Variants in PDE7B observed in about 807,000 individuals in gnomAD.
PDE7B encodes the protein 3',5'-cyclic-AMP phosphodiesterase 7B.
Under a neutral mutation model 56.2 loss-of-function variants are expected in PDE7B, and 29 were observed. The ratio of observed to expected loss-of-function variants is 0.52; its 90% CI spans 0.38 to 0.70. The LOEUF (loss-of-function observed/expected upper bound fraction) is 0.70. Ranked by LOEUF, PDE7B falls within the 30% of genes least tolerant of loss-of-function variation. The pLI is 0.00. For missense variants in PDE7B, 490 were observed against 565.0 expected, an observed-to-expected ratio of 0.87 and a Z score of 1.35; for synonymous variants, 197 against 196.9, an observed-to-expected ratio of 1.00 and a Z score of 0.00.
chr6:135,963,172 C>T (rs1347585963), intron 2 of PDE7B, among the ~76,000 whole-genome samples: 1 of 152,158 alleles, frequency 6.6e-6, no homozygotes, highest in African/African-American at 2.4e-5. Flanking sequence ...GGAGACACAG[C>T]CTGCCTCTGC....
At chr6:135,901,257 T>A (rs906743696) in intron 1 of PDE7B, among the ~76,000 whole-genome samples, 1 of 152,128 alleles carries the variant, frequency 6.6e-6, no homozygotes, top group Non-Finnish European at 1.5e-5. Context: ...ACTAGCTAAA[T>A]AATAAGTAAC....
rs771387642 is a variant in PDE7B, at chr6:135,924,740, T to C, written c.22-22724T>C. Among the ~76,000 whole-genome samples the C allele has an allele frequency of 9.3e-5, 14 of 151,048 alleles. 1 individual carries two copies. Among genetic ancestry groups the C allele is most frequent in the Non-Finnish European group, 1.9e-4 (13 of 67,780 alleles). ...CCAATAAATGAAAGAGATCAAAGTATTATAGTACTATATAGTTTTTAATGT... is the reference window on the plus strand; with the variant it reads ...CCAATAAATGAAAGAGATCAAAGTACTATAGTACTATATAGTTTTTAATGT... On this transcript the variant is annotated intron_variant, in intron 1 of 12. Transcript: ENST00000308191.
chr6:136,130,421 A>G (rs1385821405), intron 3 of PDE7B, among the ~76,000 whole-genome samples: 1 of 152,124 alleles, frequency 6.6e-6, no homozygotes, highest in Non-Finnish European at 1.5e-5. Context: ...CCTCTATGCC[A>G]TGTGGAAAGA....
chr6:135,934,807 T>TTATTATATATATATTTTAAATATATA (rs1774369499), intron 1 of PDE7B, among the ~76,000 whole-genome samples: 1 of 113,802 alleles, frequency 8.8e-6, no homozygotes, highest in Non-Finnish European at 1.7e-5. Context: ...ATATATATAT[T>TTATTATATATATATTTTAAATATATA]TATTATATAT....
At chr6:135,976,776 T>C (rs1444054921) in intron 2 of PDE7B, among the ~76,000 whole-genome samples, 1 of 152,176 alleles carries the variant, frequency 6.6e-6, no homozygotes, top group Non-Finnish European at 1.5e-5. Flanking sequence ...GCAAATAGTA[T>C]GATAATAACT....
chr6:136,166,702 G>A (rs879157557), intron 8 of PDE7B, among the ~76,000 whole-genome samples: 1 of 152,036 alleles, frequency 6.6e-6, no homozygotes, highest in Non-Finnish European at 1.5e-5. Context: ...CCTCCCACCA[G>A]GCCTCACCTC....
chr6:135,868,062 G>C (rs963223948), intron 1 of PDE7B, among the ~76,000 whole-genome samples: 1 of 152,008 alleles, frequency 6.6e-6, no homozygotes, highest in African/African-American at 2.4e-5. Flanking sequence ...ATGCATTTAG[G>C]TTATTCATAC....
chr6:135,938,496 C>G (rs1774457226), intron 1 of PDE7B, among the ~76,000 whole-genome samples: 1 of 152,220 alleles, frequency 6.6e-6, no homozygotes, highest in Admixed American at 6.5e-5. Flanking sequence ...GATGCCTAGT[C>G]AGTTCCTATA....
Position 136,155,658 on chromosome 6 carries a change from T to C in PDE7B, c.611T>C (p.Met204Thr). The change falls in exon 8 of 13, where the codon ATG becomes ACG. Residue 204 changes from methionine to threonine, a missense_variant. Coordinates refer to ENST00000308191, the MANE Select transcript of PDE7B (RefSeq NM_018945.4). ...AGCTTCCTCACGCCTCTGGACATCA[T>C]GCTTGGACTGCTGGCTGCAGCAGCA... The part of the protein sequence containing the change: ...LASFLTPLDI[M>T]LGLLAAAAHD... The C allele has an allele frequency of 6.2e-7, 1 of 1,613,910 alleles. No individual in the cohort carries two copies. The highest frequency in any genetic ancestry group is 8.5e-7 in the Non-Finnish European group (1 of 1,179,848).
intron 2 of PDE7B, among the ~76,000 whole-genome samples, chr6:136,104,431 C>A (rs1777614894): frequency 6.6e-6 from 1 of 152,120 alleles, no homozygotes; most frequent in African/African-American, 2.4e-5. Context: ...GACCCTGGGC[C>A]AGGAAAAGCA....
rs1779248988 is a variant in PDE7B at position 136,192,575 on chromosome 6, A to T, written c.*735A>T. On this transcript the variant is annotated 3_prime_UTR_variant, in exon 13 of 13. Coordinates refer to ENST00000308191, the MANE Select transcript of PDE7B (RefSeq NM_018945.4). ...GTACAGTTCATTCCTTTGCACCATT[A>T]GCCAATCTGTCTTTTATGGATTCTG... 1 of 152,632 alleles carries T rather than the reference A, an allele frequency of 6.6e-6. No homozygotes were observed. Among genetic ancestry groups the T allele is most frequent in the South Asian group, 2.1e-4 (1 of 4,832 alleles). 9.5% of individuals were successfully genotyped at this position (152,632 alleles called of 1,614,324 possible).
intron 3 of PDE7B, among the ~76,000 whole-genome samples, chr6:136,111,438 T>C (rs897431669): frequency 2.0e-5 from 3 of 152,212 alleles, no homozygotes; most frequent in African/African-American, 7.2e-5. Flanking sequence ...ATTTACCTCT[T>C]GGTATAATGC....
chr6:136,099,639 A>AT (rs1562492774), intron 2 of PDE7B, among the ~76,000 whole-genome samples: 1 of 151,890 alleles, frequency 6.6e-6, no homozygotes, highest in Admixed American at 6.6e-5. Flanking sequence ...TTTCTTGTAA[A>AT]TTTGTTTAAG....
intron 2 of PDE7B, chr6:136,072,808 T>C (rs1484020204): frequency 6.6e-6 from 1 of 152,162 alleles, no homozygotes; most frequent in Non-Finnish European, 1.5e-5. Flanking sequence ...GCGGGACACA[T>C]GTGCGATGGA....
At chr6:135,858,982 A>G (rs911601062) in intron 1 of PDE7B, among the ~76,000 whole-genome samples, 2 of 152,110 alleles carry the variant, frequency 1.3e-5, no homozygotes, top group African/African-American at 4.8e-5. Context: ...TAAGATGTAC[A>G]GCTTGTGCAG....
intron 2 of PDE7B, among the ~76,000 whole-genome samples, chr6:136,076,795 C>T (rs1358966984): frequency 6.6e-6 from 1 of 152,012 alleles, no homozygotes; most frequent in African/African-American, 2.4e-5. Context: ...ATGGGAACAC[C>T]TGGGGAAGGA....
rs747079762 is a variant in PDE7B at position 136,154,157 on chromosome 6, C to T, written c.561C>T (p.Cys187=). The T allele has an allele frequency of 6.2e-7, 1 of 1,612,492 alleles. No individual in the cohort carries two copies. Among genetic ancestry groups the T allele is most frequent in the Non-Finnish European group, 8.5e-7 (1 of 1,178,638 alleles). ...HAADVTQAMH[C]YLKEPKLASF... is the part of the protein sequence containing the mutation. ...CCGACGTCACCCAGGCCATGCACTG[C>T]TACCTGAAAGAGCCAAAGGTAAGAC... Residue 187 remains cysteine, a synonymous_variant, in exon 7 of 13, where the codon TGC becomes TGT. Coordinates refer to ENST00000308191, the MANE Select transcript of PDE7B (RefSeq NM_018945.4).
intron 1 of PDE7B, among the ~76,000 whole-genome samples, chr6:135,938,367 T>C (rs1401939476): frequency 3.9e-5 from 6 of 152,192 alleles, no homozygotes; most frequent in South Asian, 4.1e-4. Flanking sequence ...TGAAATAGCA[T>C]TGCAAACTTC....
chr6:136,152,225 G>A (rs1333393339), intron 6 of PDE7B, among the ~76,000 whole-genome samples: 6 of 152,090 alleles, frequency 3.9e-5, no homozygotes, highest in South Asian at 2.1e-4. Context: ...GGAACATACC[G>A]TTTTCAAAGA....
Sources: gnomAD v4.1 joint callset for allele counts (sites outside exome capture counted in the v4.1 genomes callset) on GRCh38, gnomAD v4.1.1 for gene constraint, MANE v1.5 for transcripts, NCBI Gene and HGNC (gene_info 2026-07-23, HGNC 2026-07-21) for gene names.